FOXO3B: variants seen among roughly 807,000 people sequenced by gnomAD.
FOXO3B encodes forkhead box protein O3B.
In FOXO3B, 15 loss-of-function variants were observed where a neutral mutation model predicts 21.9. That is an observed-to-expected ratio of 0.68 (90% CI 0.46 to 1.05). The LOEUF is 1.05. Ranked by LOEUF, FOXO3B falls within the 50% of genes least tolerant of loss-of-function variation. The pLI is 0.00. For missense variants in FOXO3B, 293 were observed against 435.5 expected, an observed-to-expected ratio of 0.67 and a Z score of 2.91; for synonymous variants, 135 against 213.6, an observed-to-expected ratio of 0.63 and a Z score of 3.21.
At chr17:18,679,161 A>C (rs2032542213) in intron 3 of FOXO3B, among the ~76,000 whole-genome samples, 1 of 152,172 alleles carries the variant, frequency 6.6e-6, no homozygotes, top group African/African-American at 2.4e-5. Flanking sequence ...TAGATTTTTC[A>C]GTTTGTTAGT....
chr17:18,677,124 T>G, intron 3 of FOXO3B: 2 of 713,796 alleles, frequency 2.8e-6, no homozygotes, highest in Non-Finnish European at 4.7e-6. Context: ...GACAAGCATG[T>G]GGAACAACTA....
rs373004280 is a variant in FOXO3B, at chr17:18,681,986, C to T, written c.-195-140G>A. On this transcript the variant is annotated intron_variant, in intron 1 of 3. Coordinates refer to ENST00000395675, the MANE Select transcript of FOXO3B (RefSeq NM_001368135.1). The stretch of plus-strand genomic sequence containing the variant: ...GAGTTTGGACAAATTCTGCCGCGCT[C>T]GGGGCACTGGCCCAGGACCCCGCGA... 397 of 610,724 alleles carry T rather than the reference C, an allele frequency of 6.5e-4. 1 individual carries two copies. The East Asian group carries it at 8.6e-3, about 13-fold the overall frequency. 37.8% of individuals were successfully genotyped at this position (610,724 alleles called of 1,614,324 possible). A position where few individuals can be genotyped will look rare whatever the true frequency, so the allele number is the denominator to read the frequency against.
rs1357365503 is a variant in FOXO3B, at chr17:18,671,759, G to A, written c.*550C>T. 2 of 1,613,484 alleles carry A rather than the reference G, an allele frequency of 1.2e-6. No homozygotes were observed. The highest frequency in any genetic ancestry group is 1.7e-5 in the Admixed American group (1 of 59,984). ...GCGGGAGCGTGATGTTATCCAGCAG[G>A]TCGTCCATGAGGTTTTCAGTCAGCC... is the stretch of plus-strand genomic sequence containing the variant. On this transcript the variant is annotated 3_prime_UTR_variant, in exon 4 of 4. Transcript: ENST00000395675.
chr17:18,681,950 T>C (rs2032593670), intron 1 of FOXO3B, 104 bp from the exon 2 acceptor site: 3 of 630,492 alleles, frequency 4.8e-6, no homozygotes, highest in Non-Finnish European at 8.5e-6. Context: ...GAGGTGACGC[T>C]GGGGCATCAG....
intron 3 of FOXO3B, among the ~76,000 whole-genome samples, chr17:18,675,380 A>ACTTATAT (rs2032465508): frequency 6.6e-6 from 1 of 151,942 alleles, no homozygotes; most frequent in Admixed American, 6.6e-5. Flanking sequence ...CTCATATATA[A>ACTTATAT]GGACCTCTTA....
At chr17:18,680,682 G>A (rs1597498124) in intron 3 of FOXO3B, 59 bp downstream of exon 3, 1 of 1,491,308 alleles carries the variant, frequency 6.7e-7, no homozygotes, top group East Asian at 2.3e-5. Flanking sequence ...ACAAAGAAGG[G>A]AGTGCATCTG....
chr17:18,681,986 C>G (rs373004280), intron 1 of FOXO3B, 140 bp from the exon 2 acceptor site: 1 of 610,604 alleles, frequency 1.6e-6, no homozygotes, highest in African/African-American at 1.9e-5. Flanking sequence ...CTGCCGCGCT[C>G]GGGGCACTGG....
chr17:18,670,689 G>C lies in FOXO3B; in HGVS notation c.*1620C>G, dbSNP rs1452326290. On this transcript the variant is annotated 3_prime_UTR_variant, in exon 4 of 4. Coordinates refer to ENST00000395675, the MANE Select transcript of FOXO3B (RefSeq NM_001368135.1). Reference sequence around the variant, plus strand: ...CAAAGAAGATTTTGCATACTTTTTAGAGTTCTATTCCAAGGGTAAGTGCTT... The same window carrying C: ...CAAAGAAGATTTTGCATACTTTTTACAGTTCTATTCCAAGGGTAAGTGCTT... 6.6e-6 allele frequency among the ~76,000 whole-genome samples: 1 copy of C among 152,172 alleles called. No homozygotes were observed. Among genetic ancestry groups the C allele is most frequent in the African/African-American group, 2.4e-5 (1 of 41,432 alleles).
At chr17:18,674,752 G>A (rs1448407626) in intron 3 of FOXO3B, among the ~76,000 whole-genome samples, 8 of 152,146 alleles carry the variant, frequency 5.3e-5, no homozygotes, top group Non-Finnish European at 1.2e-4. Flanking sequence ...ACTACAGCCT[G>A]CTGCCTACTT....
Position 18,672,946 on chromosome 17 carries a change from G to T in FOXO3B, c.236C>A (p.Ala79Glu). 1 of 1,526,168 alleles carries T rather than the reference G, an allele frequency of 6.6e-7. No individual in the cohort carries two copies. The highest frequency in any genetic ancestry group is 8.8e-7 in the Non-Finnish European group (1 of 1,139,130). 94.5% of individuals were successfully genotyped at this position (1,526,168 alleles called of 1,614,324 possible). A position where few individuals can be genotyped will look rare whatever the true frequency, so the allele number is the denominator to read the frequency against. Residue 79 changes from alanine (A) to glutamate (E), a missense_variant, in exon 4 of 4, where the codon GCG (alanine) becomes GAG (glutamate). Around this residue, in one of 2 missense-constraint regions of FOXO3B, gnomAD observed 251 missense variants for 404.0 expected, o/e 0.62. Transcript: ENST00000395675. This position sits in a 1 kb window ranked among gnomAD's most constrained non-coding sequence, Gnocchi z 4.2. ...TGCCATCTTCGCCGCCCGCCCGGCCGCGGCTGGGGTTCTCGCGCTCTCCTC... is the reference window on the plus strand; with the variant it reads ...TGCCATCTTCGCCGCCCGCCCGGCCTCGGCTGGGGTTCTCGCGCTCTCCTC... ...AREESARTPA[A>E]AGRAAKMAEA...
rs546707884 is a variant in FOXO3B at position 18,672,006 on chromosome 17, C to T, written c.*303G>A. 3.8e-5 allele frequency: 62 copies of T among 1,611,844 alleles called. No individual in the cohort carries two copies. In the East Asian group the frequency reaches 1.3e-3, roughly 33 times the overall value. On this transcript the variant is annotated 3_prime_UTR_variant, in exon 4 of 4. Coordinates refer to ENST00000395675, the MANE Select transcript of FOXO3B (RefSeq NM_001368135.1). The surrounding 1 kb of genome is among the most constrained non-coding windows in gnomAD (Gnocchi z 4.2). ...TAGAATTGGTGCGTGAACGGAAGTC[C>T]GTCCACGCATCCAGCTCATCACTGC...
intron 3 of FOXO3B, among the ~76,000 whole-genome samples, chr17:18,673,389 A>G (rs1271756045): frequency 6.6e-6 from 1 of 152,200 alleles, no homozygotes; most frequent in Non-Finnish European, 1.5e-5. Context: ...TGGGATTACA[A>G]GTGTGGACCA....
At chr17:18,677,461 A>G in intron 3 of FOXO3B, 1 of 1,613,748 alleles carries the variant, frequency 6.2e-7, no homozygotes, top group Non-Finnish European at 8.5e-7. Flanking sequence ...ATCCACCCTA[A>G]CCCCGAGTCT....
intron 3 of FOXO3B, among the ~76,000 whole-genome samples, chr17:18,678,675 T>C (rs1386833892): frequency 5.3e-5 from 8 of 151,468 alleles, no homozygotes; most frequent in Non-Finnish European, 1.2e-4. Flanking sequence ...TCAATCACCT[T>C]GATGCTGTTA....
At chr17:18,675,578 T>G (rs2032468304) in intron 3 of FOXO3B, among the ~76,000 whole-genome samples, 1 of 152,084 alleles carries the variant, frequency 6.6e-6, no homozygotes, top group African/African-American at 2.4e-5. Flanking sequence ...AGGATTTTCT[T>G]TATGAGCTAT....
At chr17:18,674,715 A>C (rs1266137337) in intron 3 of FOXO3B, among the ~76,000 whole-genome samples, 1 of 152,080 alleles carries the variant, frequency 6.6e-6, no homozygotes, top group Non-Finnish European at 1.5e-5. Context: ...ACTGAACGAC[A>C]ACCACCATTT....
rs1218983848 is a variant in FOXO3B at position 18,672,188 on chromosome 17, G to A, written c.*121C>T. On this transcript the variant is annotated 3_prime_UTR_variant, in exon 4 of 4. Coordinates refer to ENST00000395675, the MANE Select transcript of FOXO3B (RefSeq NM_001368135.1). The surrounding 1 kb of genome is among the most constrained non-coding windows in gnomAD (Gnocchi z 4.2). ...TCCATGGAGACAGCCCGCCGCCGGG[G>A]GGCTTTTCCGCTCTTCCCCCCATCA... is the stretch of plus-strand genomic sequence containing the variant. The A allele has an allele frequency of 1.9e-6, 3 of 1,613,288 alleles. No homozygotes were observed. The highest frequency in any genetic ancestry group is 2.5e-6 in the Non-Finnish European group (3 of 1,179,540).
At position 18,672,993 on chromosome 17, in the gene FOXO3B, C is replaced by G. The variant is rs771459181; in HGVS notation, c.189G>C (p.Pro63=). 25 of 1,473,722 alleles carry G rather than the reference C, an allele frequency of 1.7e-5. No homozygotes were observed. Among genetic ancestry groups the G allele is most frequent in the Middle Eastern group, 2.4e-4 (1 of 4,138 alleles). The allele number at this position is 1,473,722 out of a possible 1,614,324, so 91.3% of individuals were successfully genotyped here. ...CCTCTCGCGCCGGGGCGGGGTGCAG[C>G]GGGGGAGGGACGTGGACGCCGCGAA... ...RSLRGVHVPP[P]LHPAPAREES... is the part of the protein sequence containing the mutation. The change falls in exon 4 of 4, where the codon CCG becomes CCC. Residue 63 remains proline (P), a synonymous_variant. Transcript: ENST00000395675. This position sits in a 1 kb window ranked among gnomAD's most constrained non-coding sequence, Gnocchi z 4.2.
Position 18,672,938 on chromosome 17 carries a change from G to C in FOXO3B, c.244C>G (p.Arg82Gly). ...ESARTPAAAG[R>G]AAKMAEAPAS... is the part of the protein sequence containing the mutation. ...GGTGCCTCTGCCATCTTCGCCGCCC[G>C]CCCGGCCGCGGCTGGGGTTCTCGCG... Residue 82 changes from arginine to glycine, a missense_variant, in exon 4 of 4, where the codon CGG becomes GGG. Physicochemically the swap from Arg to Gly is moderately radical, Grantham distance 125. Transcript: ENST00000395675. This position sits in a 1 kb window ranked among gnomAD's most constrained non-coding sequence, Gnocchi z 4.2. The C allele has an allele frequency of 6.5e-7, 1 of 1,532,284 alleles. No individual in the cohort carries two copies. Among genetic ancestry groups the C allele is most frequent in the Non-Finnish European group, 8.8e-7 (1 of 1,141,114 alleles). The allele number at this position is 1,532,284 out of a possible 1,614,324, so 94.9% of individuals were successfully genotyped here.
Sources: allele counts gnomAD v4.1 joint callset (sites outside exome capture counted in the v4.1 genomes callset), GRCh38; gene constraint gnomAD v4.1.1; regional missense constraint gnomAD v4.1.1; non-coding constraint Gnocchi (gnomAD v3.1); transcripts MANE v1.5; gene names NCBI Gene and HGNC (gene_info 2026-07-23, HGNC 2026-07-21).